The following CNTNAP2 variants were observed in gnomAD, a reference collection of about 807,000 sequenced individuals.
CNTNAP2 encodes contactin-associated protein-like 2.
In CNTNAP2, 98 loss-of-function variants were observed where a neutral mutation model predicts 155.2. The ratio of observed to expected loss-of-function variants is 0.63; its 90% CI spans 0.54 to 0.75. The LOEUF (loss-of-function observed/expected upper bound fraction) is 0.75, where lower values mean the gene tolerates loss of function less well. CNTNAP2 is among the 30% of genes least tolerant of loss of function. CNTNAP2 has a pLI of 0.00. For synonymous variants in CNTNAP2, 651 were observed against 631.2 expected (o/e 1.03, Z -0.47); for missense variants, 1,727 against 1,688.1 (o/e 1.02, Z -0.40).
chr7:147,870,467 G>T (rs751033671), intron 13 of CNTNAP2, among the ~76,000 whole-genome samples: 1 of 152,120 alleles, frequency 6.6e-6, no homozygotes, highest in South Asian at 2.1e-4. Flanking sequence ...AATTGATGTG[G>T]TGGTGGATCC....
intron 11 of CNTNAP2, among the ~76,000 whole-genome samples, chr7:147,527,270 A>G (rs559999914): frequency 2.0e-5 from 3 of 151,750 alleles, no homozygotes; most frequent in South Asian, 2.1e-4. Context: ...TGATCCGCCC[A>G]CCTCGGCCTC....
At chr7:146,625,345 A>G (rs1799401127) in intron 1 of CNTNAP2, among the ~76,000 whole-genome samples, 1 of 147,252 alleles carries the variant, frequency 6.8e-6, no homozygotes, top group African/African-American at 2.6e-5. Flanking sequence ...GGTATTAGAA[A>G]AGACTACTTT....
In CNTNAP2 at chr7:147,874,014, C is replaced by T. The variant is rs957510712; in HGVS notation, c.2099-29551C>T. On this transcript the variant is annotated intron_variant, in intron 13 of 23. Transcript: ENST00000361727. ...GACTCACATCCAGGTCACAATGATG[C>T]CAAAGGTTGGCTCACACAGCCTTGG... Among the ~76,000 whole-genome samples the T allele has an allele frequency of 9.8e-5, 15 of 152,318 alleles. No individual in the cohort carries two copies. The East Asian group carries it at 2.3e-3, about 24-fold the overall frequency.
intron 11 of CNTNAP2, among the ~76,000 whole-genome samples, chr7:147,537,301 T>C (rs940702982): frequency 6.8e-6 from 1 of 147,872 alleles, no homozygotes; most frequent in Non-Finnish European, 1.5e-5. Context: ...TTATTAAGCA[T>C]TCATAATCAT....
chr7:147,698,206 T>C (rs2117000684), intron 13 of CNTNAP2, among the ~76,000 whole-genome samples: 1 of 152,330 alleles, frequency 6.6e-6, no homozygotes, highest in East Asian at 1.9e-4. Context: ...AGATTTTTAC[T>C]TATTGTTAGG....
intron 9 of CNTNAP2, among the ~76,000 whole-genome samples, chr7:147,341,666 A>T (rs1029661128): frequency 1.3e-5 from 2 of 150,510 alleles, no homozygotes; most frequent in African/African-American, 2.4e-5. Context: ...ACTTGTTAGG[A>T]TGATCTTGAT....
At chr7:146,435,290 T>A (rs1167375153) in intron 1 of CNTNAP2, among the ~76,000 whole-genome samples, 1 of 152,190 alleles carries the variant, frequency 6.6e-6, no homozygotes, top group Non-Finnish European at 1.5e-5. Flanking sequence ...TTTTAACTTA[T>A]AATTCTTGTA....
intron 18 of CNTNAP2, among the ~76,000 whole-genome samples, chr7:148,183,894 C>CA: frequency 6.6e-6 from 1 of 152,206 alleles, no homozygotes; most frequent in Non-Finnish European, 1.5e-5. Context: ...TTCCACCAGC[C>CA]AAAAATATTT....
At chr7:147,367,601 C>T (rs1460203957) in intron 9 of CNTNAP2, among the ~76,000 whole-genome samples, 1 of 152,070 alleles carries the variant, frequency 6.6e-6, no homozygotes, top group African/African-American at 2.4e-5. Flanking sequence ...TCATGTGACT[C>T]ATCCACACAA....
At chr7:147,184,569 C>A (rs950894452) in intron 8 of CNTNAP2, among the ~76,000 whole-genome samples, 1 of 152,110 alleles carries the variant, frequency 6.6e-6, no homozygotes, top group Non-Finnish European at 1.5e-5. Context: ...ACACCAGGGA[C>A]AGGGACTAGT....
chr7:147,902,109 T>C (rs1243051277), intron 13 of CNTNAP2, among the ~76,000 whole-genome samples: 4 of 152,156 alleles, frequency 2.6e-5, no homozygotes, highest in Admixed American at 1.3e-4. Flanking sequence ...TCATGGCCCA[T>C]ACACCTTCAT....
At chr7:147,901,423 C>G (rs1799865255) in intron 13 of CNTNAP2, among the ~76,000 whole-genome samples, 1 of 152,184 alleles carries the variant, frequency 6.6e-6, no homozygotes, top group African/African-American at 2.4e-5. Flanking sequence ...TGAAAAATAA[C>G]TTCTTACTTG....
chr7:148,016,052 A>G (rs1018487352), intron 15 of CNTNAP2, among the ~76,000 whole-genome samples: 1 of 152,228 alleles, frequency 6.6e-6, no homozygotes. Context: ...GAGAAAACTG[A>G]CAGGTCCTGT....
At chr7:147,221,567 A>G (rs1218080135) in intron 8 of CNTNAP2, among the ~76,000 whole-genome samples, 3 of 152,172 alleles carry the variant, frequency 2.0e-5, no homozygotes, top group Non-Finnish European at 2.9e-5. Context: ...AGGACCCGAG[A>G]AGGTGAAGCC....
At chr7:146,269,973 G>A (rs1157171217) in intron 1 of CNTNAP2, among the ~76,000 whole-genome samples, 2 of 152,088 alleles carry the variant, frequency 1.3e-5, no homozygotes, top group African/African-American at 4.8e-5. Context: ...TTAAACATGG[G>A]AGGCTCAAAC....
chr7:146,947,555 G>GTATATATATA (rs1483517317), intron 3 of CNTNAP2, among the ~76,000 whole-genome samples: 11 of 39,410 alleles, frequency 2.8e-4, no homozygotes, highest in Admixed American at 9.3e-4. Context: ...GTGTGTGTGT[G>GTATATATATA]TGTATATATA....
rs188068867 is a variant in CNTNAP2 at position 147,245,022 on chromosome 7, G to A, written c.1349-55119G>A. Among the ~76,000 whole-genome samples the A allele has an allele frequency of 2.7e-3, 410 of 152,184 alleles. 1 individual carries two copies. The highest frequency in any genetic ancestry group is 9.2e-3 in the African/African-American group (383 of 41,520). ...AGGCACTGAAAACGAAATTTCTAGA[G>A]GGCCTTAGGGGATTAAAAGGGAAAT... On this transcript the variant is annotated intron_variant, in intron 8 of 23. Coordinates refer to ENST00000361727, the MANE Select transcript of CNTNAP2 (RefSeq NM_014141.6).
At chr7:146,712,581 C>T (rs1373218650) in intron 1 of CNTNAP2, among the ~76,000 whole-genome samples, 1 of 150,626 alleles carries the variant, frequency 6.6e-6, no homozygotes, top group African/African-American at 2.4e-5. Context: ...TAATACTTGA[C>T]AGTCTCTTCA....
chr7:146,366,804 G>C (rs1463583016), intron 1 of CNTNAP2, among the ~76,000 whole-genome samples: 2 of 152,034 alleles, frequency 1.3e-5, no homozygotes, highest in African/African-American at 4.8e-5. Context: ...TTTCTGAAAA[G>C]AGAAGTTGTA....
Sources: allele counts gnomAD v4.1 joint callset (sites outside exome capture counted in the v4.1 genomes callset), GRCh38; gene constraint gnomAD v4.1.1; transcripts MANE v1.5; gene names NCBI Gene and HGNC (gene_info 2026-07-23, HGNC 2026-07-21).